Variants in FGD4 observed in about 807,000 individuals in gnomAD.
FGD4 encodes the protein FYVE, RhoGEF and PH domain-containing protein 4.
Under a neutral mutation model 102.0 loss-of-function variants are expected in FGD4, and 42 were observed. The ratio of observed to expected loss-of-function variants is 0.41; its 90% CI spans 0.32 to 0.53. The LOEUF is 0.53. Ranked by LOEUF, FGD4 falls within the 20% of genes least tolerant of loss-of-function variation. The probability of loss-of-function intolerance (pLI) is 0.21; values close to 1 mark genes in which losing one functional copy is unlikely to be tolerated. For missense variants in FGD4, 902 were observed against 1,078.2 expected, an observed-to-expected ratio of 0.84 and a Z score of 2.29; for synonymous variants, 380 against 375.7, an observed-to-expected ratio of 1.01 and a Z score of -0.13.
At chr12:32,602,687 T>C (rs1948499319) in intron 7 of FGD4, among the ~76,000 whole-genome samples, 2 of 152,242 alleles carry the variant, frequency 1.3e-5, no homozygotes, top group African/African-American at 4.8e-5. Context: ...CTAATCATTC[T>C]TTTTTTGTCA....
chr12:32,525,043 A>G (rs1940997058), intron 1 of FGD4, among the ~76,000 whole-genome samples: 1 of 152,250 alleles, frequency 6.6e-6, no homozygotes, highest in African/African-American at 2.4e-5. Context: ...TTCAAGAATT[A>G]GGATGTTACC....
chr12:32,594,537 T>A (rs1947720972), intron 4 of FGD4, among the ~76,000 whole-genome samples: 1 of 152,162 alleles, frequency 6.6e-6, no homozygotes, highest in Non-Finnish European at 1.5e-5. Flanking sequence ...TGTGCTTAAA[T>A]CATCCTGAAA....
At position 32,563,169 on chromosome 12, in the gene FGD4, T is replaced by C. The variant is rs556313807; in HGVS notation, c.167-968T>C. Among the ~76,000 whole-genome samples, 3 of 146,918 alleles carry C rather than the reference T, an allele frequency of 2.0e-5. No individual in the cohort carries two copies. The South Asian group carries it at 6.7e-4, about 33-fold the overall frequency. On this transcript the variant is annotated intron_variant, in intron 1 of 16. Coordinates refer to ENST00000534526, the MANE Select transcript of FGD4 (RefSeq NM_001370298.3). Reference sequence around the variant, plus strand: ...ACCCCCACCTCCCTCCCGGATGGGGTGGCTGCCGGGCGGAGACGCTCCTCA... The same window carrying C: ...ACCCCCACCTCCCTCCCGGATGGGGCGGCTGCCGGGCGGAGACGCTCCTCA...
chr12:32,550,687 A>AG (rs1052436750), intron 1 of FGD4, among the ~76,000 whole-genome samples: 13 of 149,218 alleles, frequency 8.7e-5, no homozygotes, highest in African/African-American at 1.5e-4. Context: ...AAAAAAAAAA[A>AG]AAAAGAAAGA....
At chr12:32,587,024 C>G (rs985411041) in intron 4 of FGD4, among the ~76,000 whole-genome samples, 2 of 151,834 alleles carry the variant, frequency 1.3e-5, no homozygotes, top group African/African-American at 2.4e-5. Flanking sequence ...AACCCCATCT[C>G]TACTAAAAAT....
At position 32,601,310 on chromosome 12, in the gene FGD4, C is replaced by G. The variant is rs1948408804; in HGVS notation, c.1134C>G (p.Asn378Lys). 1.9e-6 allele frequency: 3 copies of G among 1,613,976 alleles called. No individual in the cohort carries two copies. The highest frequency in any genetic ancestry group is 2.5e-6 in the Non-Finnish European group (3 of 1,180,028). The change falls in exon 6 of 17, where the codon AAC becomes AAG. Residue 378 changes from asparagine to lysine, a missense_variant. By Grantham distance (94) the Asn-to-Lys change is moderately conservative. Transcript: ENST00000534526. ...VFYCKLLEEA[N>K]RGSFPAEMVN... ...ATTGCAAACTGTTGGAAGAAGCAAACCGAGGCTCGTTTCCAGCAGAGATGG... is the reference window on the plus strand; with the variant it reads ...ATTGCAAACTGTTGGAAGAAGCAAAGCGAGGCTCGTTTCCAGCAGAGATGG...
At chr12:32,600,846 C>T (rs942300714) in intron 5 of FGD4, among the ~76,000 whole-genome samples, 1 of 151,950 alleles carries the variant, frequency 6.6e-6, no homozygotes, top group Non-Finnish European at 1.5e-5. Context: ...CTTATGTCAG[C>T]AAACTACAAT....
chr12:32,535,563 G>A (rs1289527861), intron 1 of FGD4, among the ~76,000 whole-genome samples: 2 of 151,686 alleles, frequency 1.3e-5, no homozygotes, highest in Non-Finnish European at 2.9e-5. Context: ...TTTTGCAGGC[G>A]TTCCACCACT....
chr12:32,539,451 C>A (rs1303023021), intron 1 of FGD4, among the ~76,000 whole-genome samples: 2 of 152,098 alleles, frequency 1.3e-5, no homozygotes, highest in African/African-American at 2.4e-5. Context: ...TGCCTATAAT[C>A]CCAGCTACTT....
chr12:32,598,614 T>A (rs1279685807), intron 5 of FGD4, 28 bp downstream of exon 5: 1 of 1,573,638 alleles, frequency 6.4e-7, no homozygotes, highest in South Asian at 1.1e-5. Context: ...AGAATTATTT[T>A]ATATTTTGGC....
chr12:32,487,740 T>C (rs1265500470), intron 1 of FGD4, among the ~76,000 whole-genome samples: 1 of 152,216 alleles, frequency 6.6e-6, no homozygotes, highest in Non-Finnish European at 1.5e-5. Context: ...TTATATTATT[T>C]ATTTATAGAA....
rs377148050 is a variant in FGD4, at chr12:32,579,233, G to A, written c.504-2727G>A. ...TGGCTAATTTTGTATTTTTAGTAGAGACGGGGTTTCTCCATGTTGAGGCTG... is the reference window on the plus strand; with the variant it reads ...TGGCTAATTTTGTATTTTTAGTAGAAACGGGGTTTCTCCATGTTGAGGCTG... On this transcript the variant is annotated intron_variant, in intron 3 of 16. Transcript: ENST00000534526. Among the ~76,000 whole-genome samples, 10 of 152,008 alleles carry A rather than the reference G, an allele frequency of 6.6e-5. 1 individual carries two copies. Among genetic ancestry groups the A allele is most frequent in the Admixed American group, 1.3e-4 (2 of 15,248 alleles).
intron 4 of FGD4, among the ~76,000 whole-genome samples, chr12:32,589,338 T>C (rs1158619791): frequency 6.6e-6 from 1 of 152,202 alleles, no homozygotes; most frequent in Non-Finnish European, 1.5e-5. Flanking sequence ...ACAGAGAAGT[T>C]TGCATACCAC....
chr12:32,569,707 T>C (rs746204057), intron 2 of FGD4, among the ~76,000 whole-genome samples: 4 of 152,208 alleles, frequency 2.6e-5, no homozygotes, highest in Non-Finnish European at 4.4e-5. Flanking sequence ...ATTTTTTTGT[T>C]CATTTTTCCT....
At chr12:32,498,862 A>G (rs1224052977) in intron 1 of FGD4, among the ~76,000 whole-genome samples, 1 of 152,176 alleles carries the variant, frequency 6.6e-6, no homozygotes, top group Non-Finnish European at 1.5e-5. Context: ...TGGCCTCCCA[A>G]AGTGCTGGGA....
At chr12:32,453,516 G>A (rs911900953) in intron 1 of FGD4, among the ~76,000 whole-genome samples, 3 of 151,892 alleles carry the variant, frequency 2.0e-5, no homozygotes, top group Non-Finnish European at 2.9e-5. Context: ...TTACAGGTGT[G>A]AGCCACTGCA....
intron 1 of FGD4, among the ~76,000 whole-genome samples, chr12:32,499,181 A>C (rs2133945): frequency 3.1e-4 from 47 of 152,216 alleles, no homozygotes; most frequent in Non-Finnish European, 6.3e-4. Context: ...TATTCAAGGC[A>C]AAGTTGCCGC....
chr12:32,443,630 C>T (rs1287753329), intron 1 of FGD4, among the ~76,000 whole-genome samples: 1 of 151,028 alleles, frequency 6.6e-6, no homozygotes, highest in East Asian at 1.9e-4. Flanking sequence ...CCTCGAACTC[C>T]CAGGCTCAGG....
At chr12:32,633,386 A>G (rs1388520568) in intron 14 of FGD4, among the ~76,000 whole-genome samples, 163 bp from the exon 15 acceptor site, 1 of 152,138 alleles carries the variant, frequency 6.6e-6, no homozygotes, top group African/African-American at 2.4e-5. Context: ...CAGGGTTGAA[A>G]CACCTTGATA....
Sources: gnomAD v4.1 joint callset for allele counts (sites outside exome capture counted in the v4.1 genomes callset) on GRCh38, gnomAD v4.1.1 for gene constraint, MANE v1.5 for transcripts, NCBI Gene and HGNC (gene_info 2026-07-23, HGNC 2026-07-21) for gene names.